Variants in HIBADH observed in about 807,000 individuals in gnomAD.
HIBADH encodes the protein 3-hydroxyisobutyrate dehydrogenase, mitochondrial.
In HIBADH, 25 loss-of-function variants were observed where a neutral mutation model predicts 36.1. The observed-to-expected ratio is 0.69, with a 90% CI of 0.50 to 0.97. The LOEUF is 0.97. Ranked by LOEUF, HIBADH falls within the 50% of genes least tolerant of loss-of-function variation. The probability of loss-of-function intolerance (pLI) is 0.00; values close to 1 mark genes in which losing one functional copy is unlikely to be tolerated. For synonymous variants in HIBADH, 160 were observed against 149.5 expected, an observed-to-expected ratio of 1.07 and a Z score of -0.51; for missense variants, 421 against 418.0, an observed-to-expected ratio of 1.01 and a Z score of -0.06.
chr7:27,660,954 C>T (rs1303704282), intron 1 of HIBADH, among the ~76,000 whole-genome samples: 2 of 152,130 alleles, frequency 1.3e-5, no homozygotes, highest in Non-Finnish European at 1.5e-5. Flanking sequence ...CATTAAAATA[C>T]CATTAGAACA....
At chr7:27,653,941 C>T (rs1012560908) in intron 1 of HIBADH, among the ~76,000 whole-genome samples, 4 of 152,090 alleles carry the variant, frequency 2.6e-5, no homozygotes, top group Non-Finnish European at 4.4e-5. Context: ...GTCAAAAAGT[C>T]AAAACCAACC....
chr7:27,572,021 T>C (rs1784635336), intron 4 of HIBADH, among the ~76,000 whole-genome samples: 1 of 152,214 alleles, frequency 6.6e-6, no homozygotes, highest in African/African-American at 2.4e-5. Context: ...CCAGAAGTTA[T>C]GGCCTCTTTG....
intron 2 of HIBADH, among the ~76,000 whole-genome samples, chr7:27,643,554 T>C (rs890630747): frequency 2.0e-5 from 3 of 152,224 alleles, no homozygotes; most frequent in African/African-American, 7.2e-5. Flanking sequence ...ACTGAAAAAC[T>C]TGCCCAAGAT....
intron 4 of HIBADH, among the ~76,000 whole-genome samples, chr7:27,580,963 A>G (rs1194247934): frequency 6.6e-6 from 1 of 152,204 alleles, no homozygotes; most frequent in African/African-American, 2.4e-5. Flanking sequence ...GTTAAGGGGT[A>G]GGCGATCATG....
intron 4 of HIBADH, among the ~76,000 whole-genome samples, chr7:27,599,404 C>T (rs1015520107): frequency 7.9e-5 from 12 of 151,992 alleles, no homozygotes; most frequent in African/African-American, 2.2e-4. Context: ...AATTGATGGC[C>T]GGGTGCGGTG....
chr7:27,654,333 C>T (rs1050893722), intron 1 of HIBADH, among the ~76,000 whole-genome samples: 2 of 152,010 alleles, frequency 1.3e-5, no homozygotes, highest in Non-Finnish European at 1.5e-5. Flanking sequence ...GAACAAATGG[C>T]CAAAAATGTT....
intron 4 of HIBADH, among the ~76,000 whole-genome samples, chr7:27,578,746 C>T (rs981681514): frequency 6.6e-6 from 1 of 152,056 alleles, no homozygotes; most frequent in African/African-American, 2.4e-5. Flanking sequence ...GTCTTCAGTA[C>T]CCACAAAAGT....
In HIBADH at chr7:27,649,480, C is replaced by A. The variant is rs768681188; in HGVS notation, c.245G>T (p.Gly82Val). ...CTAAAGAAAAGGTCTTACCTGTTCACCTGCATCTTGAAACTCTTTGCAGGC... is the reference window on the plus strand; with the variant it reads ...CTAAAGAAAAGGTCTTACCTGTTCAACTGCATCTTGAAACTCTTTGCAGGC... ...PDACKEFQDA[G>V]EQVVSSPADV... The change falls in exon 2 of 8, where the codon GGT becomes GTT. Residue 82 changes from glycine to valine, a missense_variant. By Grantham distance (109) the Gly-to-Val change is moderately radical (BLOSUM62 -3). Transcript: ENST00000265395. The A allele has an allele frequency of 3.1e-6, 5 of 1,610,470 alleles. No individual in the cohort carries two copies. Among genetic ancestry groups the A allele is most frequent in the East Asian group, 4.5e-5 (2 of 44,858 alleles).
At chr7:27,545,113 T>A (rs931252351) in intron 4 of HIBADH, among the ~76,000 whole-genome samples, 1 of 152,140 alleles carries the variant, frequency 6.6e-6, no homozygotes, top group African/African-American at 2.4e-5. Context: ...ATTCCTTTAA[T>A]CATATAACAC....
intron 4 of HIBADH, among the ~76,000 whole-genome samples, chr7:27,577,822 G>A (rs1191382786): frequency 2.0e-5 from 3 of 152,196 alleles, no homozygotes; most frequent in African/African-American, 4.8e-5. Flanking sequence ...CTTCCCTGAT[G>A]TACCATTGCT....
intron 4 of HIBADH, among the ~76,000 whole-genome samples, chr7:27,616,463 T>G (rs181898051): frequency 8.5e-5 from 13 of 152,188 alleles, no homozygotes; most frequent in African/African-American, 1.7e-4. Context: ...TCGTTGTTTT[T>G]TTTGTTTGTT....
chr7:27,610,930 G>A (rs1211621681), intron 4 of HIBADH, among the ~76,000 whole-genome samples: 1 of 152,158 alleles, frequency 6.6e-6, no homozygotes, highest in Non-Finnish European at 1.5e-5. Context: ...GGCCAAGCCT[G>A]CATGGTTGAT....
chr7:27,641,925 A>G (rs1340772601), intron 2 of HIBADH, among the ~76,000 whole-genome samples: 1 of 130,674 alleles, frequency 7.7e-6, no homozygotes, highest in East Asian at 2.4e-4. Flanking sequence ...TGCTTAAGAG[A>G]ATGAGAGATG....
In HIBADH at chr7:27,543,090, A is replaced by G. The variant is rs748116774; in HGVS notation, c.495T>C (p.Ala165=). 2.5e-6 allele frequency: 4 copies of G among 1,613,750 alleles called. No individual in the cohort carries two copies. The highest frequency in any genetic ancestry group is 1.7e-4 in the Middle Eastern group (1 of 6,054). ...TAAACGTGAGGTTCCCAGATCGTGCAGCTCCTACACCTGAATCATTTGGGG... is the reference window on the plus strand; with the variant it reads ...TAAACGTGAGGTTCCCAGATCGTGCGGCTCCTACACCTGAATCATTTGGGG... ...MDAPVSGGVG[A]ARSGNLTFMV... Residue 165 remains alanine, a synonymous_variant, in exon 5 of 8, where the codon GCT becomes GCC. Coordinates refer to ENST00000265395, the MANE Select transcript of HIBADH (RefSeq NM_152740.4).
intron 1 of HIBADH, among the ~76,000 whole-genome samples, chr7:27,659,701 A>AAGAG (rs377478375): frequency 6.6e-6 from 1 of 151,208 alleles, no homozygotes; most frequent in Non-Finnish European, 1.5e-5. Flanking sequence ...CAGCCTGGAC[A>AAGAG]AGAGAGAGAG....
chr7:27,530,446 A>T (rs1783975692), intron 7 of HIBADH, among the ~76,000 whole-genome samples: 1 of 152,212 alleles, frequency 6.6e-6, no homozygotes, highest in East Asian at 1.9e-4. Context: ...ACCTCAGGTG[A>T]TCTGCCCTCC....
chr7:27,662,699 C>A lies in HIBADH; in HGVS notation c.90G>T (p.Ala30=). Residue 30 remains alanine (A), a splice_region_variant and synonymous_variant, in exon 1 of 8, where the codon GCG becomes GCT. Transcript: ENST00000265395. The part of the protein sequence containing the change: ...RLRPAAGSFA[A]VCSRSVASKT... ...GGGGAGGAGGCGTGAGGTCCTTACCCGCTGCAAAGCTGCCGGCTGCCGGCC... is the reference window on the plus strand; with the variant it reads ...GGGGAGGAGGCGTGAGGTCCTTACCAGCTGCAAAGCTGCCGGCTGCCGGCC... The A allele has an allele frequency of 7.4e-7, 1 of 1,353,148 alleles. No individual in the cohort carries two copies. Among genetic ancestry groups the A allele is most frequent in the Non-Finnish European group, 9.6e-7 (1 of 1,045,380 alleles). 83.8% of individuals were successfully genotyped at this position (1,353,148 alleles called of 1,614,324 possible). A position where few individuals can be genotyped will look rare whatever the true frequency, so the allele number is the denominator to read the frequency against.
chr7:27,542,138 A>G (rs964002615), intron 5 of HIBADH, among the ~76,000 whole-genome samples: 3 of 152,206 alleles, frequency 2.0e-5, no homozygotes, highest in African/African-American at 7.2e-5. Flanking sequence ...CGTTCACGAC[A>G]TATCTAACTT....
rs534284365 is a variant in HIBADH at position 27,536,774 on chromosome 7, T to C, written c.695+1567A>G. ...AAATTATTCAAGAAATGCCAGAGGA[T>C]GCATCACTATGACTAAGGAACATCC... On this transcript the variant is annotated intron_variant, in intron 6 of 7. Transcript: ENST00000265395. Among the ~76,000 whole-genome samples the C allele has an allele frequency of 3.9e-5, 6 of 152,260 alleles. No homozygotes were observed. In the South Asian group the frequency reaches 1.2e-3, roughly 32 times the overall value.
Sources: gnomAD v4.1 joint callset for allele counts (sites outside exome capture counted in the v4.1 genomes callset) on GRCh38, gnomAD v4.1.1 for gene constraint, MANE v1.5 for transcripts, NCBI Gene and HGNC (gene_info 2026-07-23, HGNC 2026-07-21) for gene names.